ASIC2: variants seen among roughly 807,000 people sequenced by gnomAD.
The protein encoded by ASIC2 is acid-sensing ion channel 2.
Under a neutral mutation model 57.3 loss-of-function variants are expected in ASIC2, and 25 were observed. That is an observed-to-expected ratio of 0.44 (90% CI 0.32 to 0.61). The LOEUF is 0.61. Among genes scored for constraint, ASIC2 ranks in the 20% least tolerant of loss-of-function variants. The pLI, the probability that ASIC2 is intolerant of heterozygous loss-of-function variation, is 0.06. For missense variants in ASIC2, 641 were observed against 738.1 expected, an observed-to-expected ratio of 0.87 and a Z score of 1.52; for synonymous variants, 319 against 307.5, an observed-to-expected ratio of 1.04 and a Z score of -0.39.
intron 1 of ASIC2, among the ~76,000 whole-genome samples, chr17:33,433,598 A>G (rs944012386): frequency 1.3e-5 from 2 of 151,996 alleles, no homozygotes; most frequent in Non-Finnish European, 2.9e-5. Flanking sequence ...TAAAATACAA[A>G]AATTAGTGGG....
At chr17:33,756,040 G>A (rs1910594965) in intron 1 of ASIC2, among the ~76,000 whole-genome samples, 1 of 152,254 alleles carries the variant, frequency 6.6e-6, no homozygotes, top group Non-Finnish European at 1.5e-5. Context: ...CCAGCCGGCA[G>A]CTCTGCTTCC....
chr17:33,903,186 T>A (rs1915267586), intron 1 of ASIC2, among the ~76,000 whole-genome samples: 1 of 152,134 alleles, frequency 6.6e-6, no homozygotes, highest in Admixed American at 6.5e-5. Flanking sequence ...CATGGCAAAT[T>A]AGCACCTTTG....
chr17:33,645,620 C>A (rs901027147), intron 1 of ASIC2, among the ~76,000 whole-genome samples: 1 of 152,158 alleles, frequency 6.6e-6, no homozygotes, highest in Non-Finnish European at 1.5e-5. Context: ...TTCCTGATGC[C>A]TAGATAGGAT....
intron 1 of ASIC2, among the ~76,000 whole-genome samples, chr17:33,435,224 C>T (rs1028260589): frequency 6.6e-6 from 1 of 152,138 alleles, no homozygotes; most frequent in Non-Finnish European, 1.5e-5. Flanking sequence ...ATCCCTGGTA[C>T]ACAGATTTTG....
chr17:33,881,480 G>A (rs1914699118), intron 1 of ASIC2, among the ~76,000 whole-genome samples: 1 of 152,128 alleles, frequency 6.6e-6, no homozygotes, highest in Non-Finnish European at 1.5e-5. Flanking sequence ...GACAAACAGA[G>A]AGCCAAATCA....
rs375105736 is a variant in ASIC2, at chr17:33,111,991, C to A, written c.785G>T (p.Gly262Val). ...DGKPLLTTVK[G>V]GTGNGLEIML... ...GATCTCCAGCCCGTTGCCTGTCCCCCCCTTGACCGTGGTGAGCAGAGGTTT... is the reference window on the plus strand; with the variant it reads ...GATCTCCAGCCCGTTGCCTGTCCCCACCTTGACCGTGGTGAGCAGAGGTTT... The change falls in exon 2 of 10, where the codon GGG becomes GTG. Residue 262 changes from glycine to valine, a missense_variant. By Grantham distance (109) the Gly-to-Val change is moderately radical. This residue lies in a region of ASIC2 where 382 missense variants were observed against 398.0 expected (regional missense o/e 0.96). Coordinates refer to ENST00000225823, the MANE Select transcript of ASIC2 (RefSeq NM_183377.2). 7 of 1,614,066 alleles carry A rather than the reference C, an allele frequency of 4.3e-6. No homozygotes were observed. The highest frequency in any genetic ancestry group is 1.7e-4 in the Middle Eastern group (1 of 6,060).
At chr17:33,426,512 T>A (rs1243895299) in intron 1 of ASIC2, among the ~76,000 whole-genome samples, 5 of 152,228 alleles carry the variant, frequency 3.3e-5, no homozygotes, top group African/African-American at 1.2e-4. Context: ...GCAGGTGTTA[T>A]AGACACTTCT....
chr17:33,372,158 T>C (rs532913907), intron 1 of ASIC2, among the ~76,000 whole-genome samples: 1 of 151,508 alleles, frequency 6.6e-6, no homozygotes, highest in Non-Finnish European at 1.5e-5. Context: ...CTGCTGCGAG[T>C]GTCCATGTTT....
intron 1 of ASIC2, among the ~76,000 whole-genome samples, chr17:34,014,873 T>C (rs1294117228): frequency 6.7e-6 from 1 of 148,164 alleles, no homozygotes; most frequent in Non-Finnish European, 1.5e-5. Context: ...GCCTTAATCC[T>C]CTTGGAAATA....
intron 1 of ASIC2, among the ~76,000 whole-genome samples, chr17:34,137,991 G>T (rs1912170684): frequency 6.6e-6 from 1 of 152,192 alleles, no homozygotes; most frequent in African/African-American, 2.4e-5. Flanking sequence ...GCACCCACAA[G>T]TCCCACCTTC....
At chr17:33,391,708 A>C (rs1344038505) in intron 1 of ASIC2, among the ~76,000 whole-genome samples, 1 of 152,190 alleles carries the variant, frequency 6.6e-6, no homozygotes, top group East Asian at 1.9e-4. Flanking sequence ...GGGCGTGTTC[A>C]CTGACATGTC....
chr17:33,211,976 T>C (rs368237652), intron 1 of ASIC2, among the ~76,000 whole-genome samples: 101 of 152,096 alleles, frequency 6.6e-4, no homozygotes, highest in African/African-American at 2.4e-3. Context: ...CCAGGAAGGG[T>C]GACTTCCATT....
chr17:33,625,812 T>C (rs993141158), intron 1 of ASIC2, among the ~76,000 whole-genome samples: 3 of 152,212 alleles, frequency 2.0e-5, no homozygotes, highest in South Asian at 2.1e-4. Flanking sequence ...AAATCTACAC[T>C]GCTTAGCTTG....
intron 1 of ASIC2, among the ~76,000 whole-genome samples, chr17:33,223,931 C>T (rs1389760415): frequency 6.6e-6 from 1 of 152,162 alleles, no homozygotes; most frequent in East Asian, 1.9e-4. Flanking sequence ...AGTCAAAGGG[C>T]AATGAAGTCC....
At chr17:33,973,670 T>C (rs1040293369) in intron 1 of ASIC2, among the ~76,000 whole-genome samples, 1 of 152,150 alleles carries the variant, frequency 6.6e-6, no homozygotes, top group African/African-American at 2.4e-5. Flanking sequence ...GAGGAGTGGC[T>C]TGTTCCTGCT....
At chr17:33,638,835 G>T (rs1044241768) in intron 1 of ASIC2, among the ~76,000 whole-genome samples, 1 of 152,030 alleles carries the variant, frequency 6.6e-6, no homozygotes, top group Non-Finnish European at 1.5e-5. Context: ...TCCCTGGGCT[G>T]CCCTCAACCA....
intron 1 of ASIC2, among the ~76,000 whole-genome samples, chr17:33,213,654 C>T (rs1216189100): frequency 6.6e-6 from 1 of 152,208 alleles, no homozygotes; most frequent in Non-Finnish European, 1.5e-5. Flanking sequence ...GATCTGCCAA[C>T]TGGGTGAGTG....
chr17:33,238,629 G>A (rs540144929), intron 1 of ASIC2, among the ~76,000 whole-genome samples: 1 of 152,208 alleles, frequency 6.6e-6, no homozygotes, highest in East Asian at 1.9e-4. Context: ...TGAACACACC[G>A]GGCCCACTCC....
intron 1 of ASIC2, among the ~76,000 whole-genome samples, chr17:33,241,893 G>A (rs1908519470): frequency 6.6e-6 from 1 of 152,228 alleles, no homozygotes; most frequent in African/African-American, 2.4e-5. Flanking sequence ...ATGCCAGCAG[G>A]CAATCGTGGA....
Sources: allele counts gnomAD v4.1 joint callset (sites outside exome capture counted in the v4.1 genomes callset), GRCh38; gene constraint gnomAD v4.1.1; regional missense constraint gnomAD v4.1.1; transcripts MANE v1.5; gene names NCBI Gene and HGNC (gene_info 2026-07-23, HGNC 2026-07-21).